Variants in NYAP2 observed in about 807,000 individuals in gnomAD.
The protein encoded by NYAP2 is neuronal tyrosine-phosphorylated phosphoinositide-3-kinase adapter 2.
NYAP2 carries 23 observed loss-of-function variants against 50.4 expected under a neutral mutation model. That is an observed-to-expected ratio of 0.46 (90% CI 0.33 to 0.65). The LOEUF (loss-of-function observed/expected upper bound fraction) is 0.65. Ranked by LOEUF, NYAP2 falls within the 30% of genes least tolerant of loss-of-function variation. The pLI, the probability that NYAP2 is intolerant of heterozygous loss-of-function variation, is 0.02. For synonymous variants in NYAP2, 394 were observed against 365.2 expected (o/e 1.08, Z -0.90); for missense variants, 885 against 861.0 (o/e 1.03, Z -0.35).
At chr2:225,417,567 A>T (rs1695146532) in intron 3 of NYAP2, among the ~76,000 whole-genome samples, 1 of 152,198 alleles carries the variant, frequency 6.6e-6, no homozygotes, top group Non-Finnish European at 1.5e-5. Flanking sequence ...AATAAGATGT[A>T]CAAGGAAGAT....
At chr2:225,456,478 ACAGT>A in intron 3 of NYAP2, among the ~76,000 whole-genome samples, 1 of 152,286 alleles carries the variant, frequency 6.6e-6, no homozygotes, top group East Asian at 1.9e-4. Context: ...AAGCAACTCA[ACAGT>A]CAAAGACAGG....
At chr2:225,587,669 CCTAA>C (rs1488682400) in intron 5 of NYAP2, among the ~76,000 whole-genome samples, 2 of 151,970 alleles carry the variant, frequency 1.3e-5, no homozygotes, top group African/African-American at 4.8e-5. Flanking sequence ...AAATCTAGCC[CCTAA>C]CTCTCATCAG....
chr2:225,640,874 C>A (rs376105051), intron 6 of NYAP2, among the ~76,000 whole-genome samples: 2 of 152,046 alleles, frequency 1.3e-5, no homozygotes, highest in Non-Finnish European at 2.9e-5. Context: ...TATATAGATA[C>A]CCTGAACACT....
chr2:225,435,497 T>A (rs1259238382), intron 3 of NYAP2, among the ~76,000 whole-genome samples: 1 of 152,326 alleles, frequency 6.6e-6, no homozygotes, highest in Non-Finnish European at 1.5e-5. Context: ...TAATTTGACT[T>A]GACTGGTCCA....
At chr2:225,658,510 G>T (rs904503944), downstream of NYAP2, among the ~76,000 whole-genome samples, 1 of 152,194 alleles carries the variant, frequency 6.6e-6, no homozygotes, top group African/African-American at 2.4e-5. Flanking sequence ...GTGAAATGTG[G>T]AATAAATTCA....
At chr2:225,405,414 A>G (rs1002383952) in intron 2 of NYAP2, among the ~76,000 whole-genome samples, 4 of 152,012 alleles carry the variant, frequency 2.6e-5, no homozygotes, top group Non-Finnish European at 5.9e-5. Context: ...TGCATACATA[A>G]TTGTCATTTA....
intron 5 of NYAP2, among the ~76,000 whole-genome samples, chr2:225,591,940 C>T (rs73090834): frequency 0.014 from 2,180 of 152,236 alleles, 73 homozygotes; most frequent in African/African-American, 0.05. Context: ...TCAAAACTCA[C>T]TTTGGAATAT....
At chr2:225,624,403 T>C (rs535526592) in intron 5 of NYAP2, among the ~76,000 whole-genome samples, 130 of 152,348 alleles carry the variant, frequency 8.5e-4, no homozygotes, top group African/African-American at 2.9e-3. Context: ...TTTCCTCAGT[T>C]GTTCCTAAGT....
At chr2:225,403,073 T>C (rs1694889640) in intron 2 of NYAP2, among the ~76,000 whole-genome samples, 2 of 151,962 alleles carry the variant, frequency 1.3e-5, no homozygotes, top group South Asian at 4.1e-4. Flanking sequence ...ATGCAAAAGT[T>C]GTAAAAGATT....
At chr2:225,675,841 T>C in the NYAP2 span, among the ~76,000 whole-genome samples, 4 of 152,150 alleles carry the variant, frequency 2.6e-5, no homozygotes, top group Non-Finnish European at 4.4e-5. Context: ...ACCATTCCAA[T>C]TGATGTGAGA....
chr2:225,674,854 A>C, the NYAP2 span, among the ~76,000 whole-genome samples: 1 of 152,114 alleles, frequency 6.6e-6, no homozygotes, highest in Non-Finnish European at 1.5e-5. Flanking sequence ...ATCAGTATTC[A>C]GGGAATTTGA....
chr2:225,496,998 A>C (rs1690518352), intron 3 of NYAP2, among the ~76,000 whole-genome samples: 1 of 152,176 alleles, frequency 6.6e-6, no homozygotes, highest in Non-Finnish European at 1.5e-5. Context: ...TTAGTTATGA[A>C]TAAATATGTG....
chr2:225,427,543 C>T (rs1204263852), intron 3 of NYAP2, among the ~76,000 whole-genome samples: 1 of 152,196 alleles, frequency 6.6e-6, no homozygotes, highest in Admixed American at 6.5e-5. Flanking sequence ...TCCTTTCCAT[C>T]ATTCACCACC....
At chr2:225,647,886 G>C (rs1693660714) in intron 6 of NYAP2, among the ~76,000 whole-genome samples, 1 of 152,064 alleles carries the variant, frequency 6.6e-6, no homozygotes, top group Non-Finnish European at 1.5e-5. Flanking sequence ...TCCATGCTTG[G>C]CAACAACTTG....
chr2:225,438,856 C>T (rs1338923401), intron 3 of NYAP2, among the ~76,000 whole-genome samples: 2 of 152,080 alleles, frequency 1.3e-5, no homozygotes, highest in Non-Finnish European at 2.9e-5. Flanking sequence ...TAAAGTAAGA[C>T]CTACAGTATG....
At chr2:225,635,837 T>C (rs1228574843) in intron 6 of NYAP2, among the ~76,000 whole-genome samples, 1 of 152,184 alleles carries the variant, frequency 6.6e-6, no homozygotes, top group African/African-American at 2.4e-5. Context: ...CTCACAATGC[T>C]TCTGTTCTGC....
At chr2:225,573,544 C>T (rs1230044890) in intron 4 of NYAP2, among the ~76,000 whole-genome samples, 5 of 151,896 alleles carry the variant, frequency 3.3e-5, no homozygotes, top group Admixed American at 3.3e-4. Context: ...GCCACCACGC[C>T]TGGCCCCAAA....
the NYAP2 span, among the ~76,000 whole-genome samples, chr2:225,665,259 C>A: frequency 6.6e-6 from 1 of 151,970 alleles, no homozygotes; most frequent in Admixed American, 6.5e-5. Context: ...CACATGGAGA[C>A]CTCCTCCTTG....
chr2:225,462,425 T>C (rs1355753852), intron 3 of NYAP2, among the ~76,000 whole-genome samples: 1 of 152,170 alleles, frequency 6.6e-6, no homozygotes, highest in Non-Finnish European at 1.5e-5. Context: ...TTCACCTTTC[T>C]TTTGTGCCTT....
Sources: allele counts gnomAD v4.1 joint callset (sites outside exome capture counted in the v4.1 genomes callset), GRCh38; gene constraint gnomAD v4.1.1; transcripts MANE v1.5; gene names NCBI Gene and HGNC (gene_info 2026-07-23, HGNC 2026-07-21).